Variants in CHN2 observed in about 807,000 individuals in gnomAD.
The protein encoded by CHN2 is chimerin 2, also known as beta-chimaerin.
In CHN2, 35 loss-of-function variants were observed where a neutral mutation model predicts 56.3. The ratio of observed to expected loss-of-function variants is 0.62; its 90% CI spans 0.47 to 0.82. CHN2 has a LOEUF of 0.82. CHN2 is among the 40% of genes least tolerant of loss of function. CHN2 has a pLI of 0.00. For synonymous variants in CHN2, 210 were observed against 212.8 expected, an observed-to-expected ratio of 0.99 and a Z score of 0.12; for missense variants, 491 against 580.5, an observed-to-expected ratio of 0.85 and a Z score of 1.58.
At chr7:29,481,916 G>A (rs1200591609) in intron 7 of CHN2, among the ~76,000 whole-genome samples, 2 of 152,036 alleles carry the variant, frequency 1.3e-5, no homozygotes, top group Admixed American at 1.3e-4. Context: ...GCTTGTCCAT[G>A]TATATTCTGT....
intron 1 of CHN2, among the ~76,000 whole-genome samples, chr7:29,247,748 C>T (rs1480635023): frequency 1.3e-5 from 2 of 152,244 alleles, no homozygotes; most frequent in East Asian, 3.8e-4. Flanking sequence ...GGGAAAGGAG[C>T]TGTTCTGTTA....
At chr7:29,223,381 A>T (rs536267412) in intron 1 of CHN2, among the ~76,000 whole-genome samples, 70 of 152,294 alleles carry the variant, frequency 4.6e-4, no homozygotes, top group Non-Finnish European at 8.7e-4. Context: ...ATCCAGGTAG[A>T]TGTAGCTAAT....
chr7:29,406,341 A>G (rs902167436), intron 6 of CHN2, among the ~76,000 whole-genome samples: 2 of 152,052 alleles, frequency 1.3e-5, no homozygotes, highest in Non-Finnish European at 2.9e-5. Flanking sequence ...AGCCGGGTAG[A>G]ACTGCTTCTA....
chr7:29,148,859 T>G (rs245884), intron 2 of CHN2, among the ~76,000 whole-genome samples: 82,829 of 151,596 alleles, frequency 0.55, 23,159 homozygotes, highest in African/African-American at 0.67. Context: ...AGTGTGTGTG[T>G]GGGGGAACAG....
chr7:29,321,563 TTTCTTTC>T (rs1795353496), intron 1 of CHN2, among the ~76,000 whole-genome samples: 2 of 114,536 alleles, frequency 1.7e-5, no homozygotes, highest in Non-Finnish European at 3.8e-5. Flanking sequence ...TCTTTCTTTC[TTTCTTTC>T]TTTTTTTTTT....
chr7:29,482,789 A>ACTTTTTT, intron 7 of CHN2, among the ~76,000 whole-genome samples: 1 of 115,546 alleles, frequency 8.7e-6, no homozygotes, highest in African/African-American at 3.1e-5. Flanking sequence ...TGCTGTCTGC[A>ACTTTTTT]CTTTTTTCTT....
upstream of CHN2, among the ~76,000 whole-genome samples, chr7:29,190,207 G>C (rs141152317): frequency 2.0e-5 from 3 of 152,340 alleles, no homozygotes; most frequent in East Asian, 5.8e-4. Context: ...TACAGCAAAA[G>C]AGCATTTTGA....
chr7:29,381,295 G>A (rs1239829209), intron 3 of CHN2, among the ~76,000 whole-genome samples: 1 of 152,092 alleles, frequency 6.6e-6, no homozygotes, highest in Non-Finnish European at 1.5e-5. Context: ...TGGACCTGTG[G>A]CTCCAGGATG....
chr7:29,357,345 G>A (rs1798388730), intron 2 of CHN2, among the ~76,000 whole-genome samples: 1 of 152,122 alleles, frequency 6.6e-6, no homozygotes, highest in Non-Finnish European at 1.5e-5. Flanking sequence ...TCAAAAACAT[G>A]TTGACCAAAG....
chr7:29,213,156 C>G, intron 1 of CHN2: 4 of 1,482,842 alleles, frequency 2.7e-6, no homozygotes, highest in Non-Finnish European at 2.8e-6. Flanking sequence ...TTTTAGTACT[C>G]CACAAACCAT....
chr7:29,199,276 C>T (rs1236228423), intron 1 of CHN2, among the ~76,000 whole-genome samples: 6 of 152,120 alleles, frequency 3.9e-5, no homozygotes, highest in Non-Finnish European at 8.8e-5. Flanking sequence ...TCTGGCAAGA[C>T]TTATGTATGT....
intron 1 of CHN2, among the ~76,000 whole-genome samples, chr7:29,237,567 A>G (rs991535420): frequency 2.6e-5 from 4 of 152,206 alleles, no homozygotes; most frequent in African/African-American, 7.2e-5. Context: ...AAGCATCTCA[A>G]TGGAGTAAGT....
At chr7:29,387,312 A>C (rs1469431427) in intron 3 of CHN2, among the ~76,000 whole-genome samples, 1 of 152,240 alleles carries the variant, frequency 6.6e-6, no homozygotes, top group Non-Finnish European at 1.5e-5. Context: ...GAGAAAAATG[A>C]GATGCAAAGG....
chr7:29,295,175 CAAAG>C (rs943069841), intron 1 of CHN2, among the ~76,000 whole-genome samples: 70 of 152,062 alleles, frequency 4.6e-4, no homozygotes, highest in Non-Finnish European at 6.9e-4. Context: ...GGAATAATGA[CAAAG>C]AAAAAGTCTG....
chr7:29,507,887 T>G (rs1321685525), intron 11 of CHN2, among the ~76,000 whole-genome samples: 1 of 152,218 alleles, frequency 6.6e-6, no homozygotes, highest in Non-Finnish European at 1.5e-5. Flanking sequence ...TTCAAAGCTG[T>G]CCTGGGCATG....
intron 1 of CHN2, among the ~76,000 whole-genome samples, chr7:29,257,931 G>A (rs1015904751): frequency 6.6e-6 from 1 of 151,990 alleles, no homozygotes; most frequent in Non-Finnish European, 1.5e-5. Flanking sequence ...GGGACTACAG[G>A]CACGTGCCAC....
chr7:29,424,455 G>A (rs1396297840), intron 6 of CHN2, among the ~76,000 whole-genome samples: 1 of 152,144 alleles, frequency 6.6e-6, no homozygotes, highest in Non-Finnish European at 1.5e-5. Context: ...CCCTGTCGGA[G>A]TTAGGTGAGA....
chr7:29,155,280 C>A (rs1431101426), intron 2 of CHN2, among the ~76,000 whole-genome samples: 1 of 152,074 alleles, frequency 6.6e-6, no homozygotes, highest in Non-Finnish European at 1.5e-5. Context: ...TACATTTTAA[C>A]AACATAAGTT....
intron 2 of CHN2, among the ~76,000 whole-genome samples, chr7:29,163,078 T>C (rs1227244588): frequency 1.3e-5 from 2 of 152,210 alleles, no homozygotes; most frequent in Non-Finnish European, 2.9e-5. Flanking sequence ...GTTGATGGAT[T>C]CATGGGATCT....
Sources: allele counts gnomAD v4.1 joint callset (sites outside exome capture counted in the v4.1 genomes callset), GRCh38; gene constraint gnomAD v4.1.1; transcripts MANE v1.5; gene names NCBI Gene and HGNC (gene_info 2026-07-23, HGNC 2026-07-21).